The following CRY1 variants were observed in gnomAD, a reference collection of about 807,000 sequenced individuals.
CRY1 encodes the protein cryptochrome-1.
CRY1 carries 45 observed loss-of-function variants against 76.0 expected under a neutral mutation model. That is an observed-to-expected ratio of 0.59 (90% confidence interval 0.47 to 0.76). The LOEUF is 0.76. Among genes scored for constraint, CRY1 ranks in the 30% least tolerant of loss-of-function variants. The pLI is 0.00. For synonymous variants in CRY1, 248 were observed against 244.0 expected, an observed-to-expected ratio of 1.02 and a Z score of -0.15; for missense variants, 587 against 716.4, an observed-to-expected ratio of 0.82 and a Z score of 2.06.
At chr12:107,055,881 A>G (rs1952976467) in intron 1 of CRY1, among the ~76,000 whole-genome samples, 1 of 152,136 alleles carries the variant, frequency 6.6e-6, no homozygotes, top group African/African-American at 2.4e-5. Flanking sequence ...ACATATATTT[A>G]TATCAAACAA....
intron 1 of CRY1, among the ~76,000 whole-genome samples, chr12:107,054,102 AATAGTAG>A (rs1952954806): frequency 6.6e-6 from 1 of 152,212 alleles, no homozygotes; most frequent in African/African-American, 2.4e-5. Context: ...GAACATTGTA[AATAGTAG>A]ATATGTGGGT....
At chr12:107,076,876 T>C (rs987062008) in intron 1 of CRY1, among the ~76,000 whole-genome samples, 64 of 151,996 alleles carry the variant, frequency 4.2e-4, no homozygotes, top group Admixed American at 7.2e-4. Flanking sequence ...GTGTAGCACC[T>C]CCCCCCGACT....
intron 5 of CRY1, 70 bp downstream of exon 5, chr12:107,001,208 AAG>A (rs1952305273): frequency 1.8e-6 from 2 of 1,135,140 alleles, no homozygotes; most frequent in African/African-American, 1.6e-5. Flanking sequence ...TTATTTTTAA[AAG>A]AGAGAAAAAT....
chr12:107,092,026 TTCTG>T (rs1181055870), intron 1 of CRY1, among the ~76,000 whole-genome samples: 1 of 152,172 alleles, frequency 6.6e-6, no homozygotes, highest in East Asian at 1.9e-4. Flanking sequence ...AGACATGACT[TTCTG>T]TCTTTCACTC....
chr12:106,997,646 T>C lies in CRY1; in HGVS notation c.1334A>G (p.Tyr445Cys), dbSNP rs200755086. The change falls in exon 9 of 13, where the codon TAT becomes TGT. Residue 445 changes from tyrosine to cysteine, a missense_variant. Transcript: ENST00000008527. ...ACCTTCTGGTGCATTCCAGGGATCATAGATATATTTTGCAGGGAAGCCTCT... is the reference window on the plus strand; with the variant it reads ...ACCTTCTGGTGCATTCCAGGGATCACAGATATATTTTGCAGGGAAGCCTCT... The part of the protein sequence containing the change: ...VLRGFPAKYI[Y>C]DPWNAPEGIQ... 2.9e-4 allele frequency: 469 copies of C among 1,614,134 alleles called. 5 individuals carry two copies. In the South Asian group the frequency reaches 3.8e-3, roughly 13 times the overall value.
chr12:107,067,115 T>C (rs1953122006), intron 1 of CRY1, among the ~76,000 whole-genome samples: 2 of 152,200 alleles, frequency 1.3e-5, no homozygotes, highest in South Asian at 4.1e-4. Flanking sequence ...CAGAAGTGTT[T>C]GCAAACTATG....
intron 1 of CRY1, among the ~76,000 whole-genome samples, chr12:107,090,717 A>C (rs1953460253): frequency 6.6e-6 from 1 of 152,286 alleles, no homozygotes; most frequent in South Asian, 2.1e-4. Context: ...TGGATGAATA[A>C]ATGGCTTTAT....
At chr12:107,020,463 T>C (rs957329507) in intron 2 of CRY1, among the ~76,000 whole-genome samples, 3 of 152,128 alleles carry the variant, frequency 2.0e-5, no homozygotes, top group East Asian at 1.9e-4. Context: ...TGGGAGGTGA[T>C]TGGATCATGG....
At chr12:107,067,711 G>A (rs1339740218) in intron 1 of CRY1, among the ~76,000 whole-genome samples, 1 of 152,132 alleles carries the variant, frequency 6.6e-6, no homozygotes, top group East Asian at 1.9e-4. Flanking sequence ...GCAGATTAAT[G>A]GGGGGAAGAA....
chr12:107,032,407 C>T (rs937826542), intron 1 of CRY1, among the ~76,000 whole-genome samples: 2 of 151,962 alleles, frequency 1.3e-5, no homozygotes, highest in African/African-American at 4.8e-5. Flanking sequence ...AATGAATCAC[C>T]TCAACGCAAA....
intron 2 of CRY1, among the ~76,000 whole-genome samples, chr12:107,008,682 T>G (rs754779784): frequency 1.3e-5 from 2 of 152,228 alleles, no homozygotes; most frequent in Non-Finnish European, 2.9e-5. Flanking sequence ...CTTGATATGG[T>G]TTGGCTGTGT....
intron 7 of CRY1, 118 bp from the exon 8 acceptor site, chr12:106,998,184 T>A: frequency 8.5e-7 from 1 of 1,176,768 alleles, no homozygotes; most frequent in Non-Finnish European, 1.2e-6. Flanking sequence ...AATTGTAAAA[T>A]TAAACATTCC....
intron 1 of CRY1, among the ~76,000 whole-genome samples, chr12:107,070,727 G>T (rs1252667050): frequency 6.7e-6 from 1 of 149,612 alleles, no homozygotes; most frequent in Admixed American, 6.7e-5. Context: ...TTGAGATGGA[G>T]TCTCACTCTG....
intron 1 of CRY1, among the ~76,000 whole-genome samples, chr12:107,083,024 C>A (rs772668010): frequency 1.0e-4 from 15 of 149,884 alleles, no homozygotes; most frequent in Non-Finnish European, 2.1e-4. Context: ...CCACTGATCC[C>A]TCAGAAGTAC....
At chr12:106,998,135 C>T in intron 7 of CRY1, 69 bp from the exon 8 acceptor site, 2 of 1,554,658 alleles carry the variant, frequency 1.3e-6, no homozygotes, top group South Asian at 2.4e-5. Context: ...TTCAAGGTCA[C>T]AGTAGAGCCA....
chr12:107,076,674 C>G (rs1412661915), intron 1 of CRY1, among the ~76,000 whole-genome samples: 2 of 151,394 alleles, frequency 1.3e-5, no homozygotes, highest in Non-Finnish European at 2.9e-5. Flanking sequence ...CATGTATCTT[C>G]AAGAAGCTGA....
intron 1 of CRY1, among the ~76,000 whole-genome samples, chr12:107,081,645 G>C (rs988201392): frequency 6.6e-6 from 1 of 152,138 alleles, no homozygotes; most frequent in South Asian, 2.1e-4. Context: ...TGATTTAAGA[G>C]GCAACTTCTC....
intron 1 of CRY1, among the ~76,000 whole-genome samples, chr12:107,066,996 G>A (rs904931545): frequency 4.6e-5 from 7 of 151,930 alleles, no homozygotes; most frequent in African/African-American, 1.7e-4. Flanking sequence ...TGTTTGAAGA[G>A]ACTGAGTCTC....
intron 2 of CRY1, among the ~76,000 whole-genome samples, chr12:107,017,313 C>T (rs1038619466): frequency 2.0e-5 from 3 of 152,240 alleles, no homozygotes; most frequent in Non-Finnish European, 2.9e-5. Flanking sequence ...TACTTCAAGG[C>T]CTTTGTTAAG....
Sources: allele counts gnomAD v4.1 joint callset (sites outside exome capture counted in the v4.1 genomes callset), GRCh38; gene constraint gnomAD v4.1.1; transcripts MANE v1.5; gene names NCBI Gene and HGNC (gene_info 2026-07-23, HGNC 2026-07-21).